Variants in RAB40C observed in about 807,000 individuals in gnomAD.
RAB40C encodes the protein ras-related protein Rab-40C.
Under a neutral mutation model 28.1 loss-of-function variants are expected in RAB40C, and 8 were observed. That is an observed-to-expected ratio of 0.28 (90% confidence interval 0.17 to 0.51). The LOEUF (loss-of-function observed/expected upper bound fraction) is 0.51, where lower values mean the gene tolerates loss of function less well. Among genes scored for constraint, RAB40C ranks in the 20% least tolerant of loss-of-function variants. The probability of loss-of-function intolerance (pLI) is 0.97; values close to 1 mark genes in which losing one functional copy is unlikely to be tolerated. For synonymous variants in RAB40C, 201 were observed against 171.7 expected, an observed-to-expected ratio of 1.17 and a Z score of -1.34; for missense variants, 288 against 405.9, an observed-to-expected ratio of 0.71 and a Z score of 2.50.
chr16:626,202 G>A, intron 5 of RAB40C, 81 bp downstream of exon 5: 2 of 1,396,790 alleles, frequency 1.4e-6, no homozygotes, highest in Middle Eastern at 1.8e-4. Context: ...GGGGGCCAGG[G>A]GCCAGTGAGG....
At position 590,244 on chromosome 16, in the gene RAB40C, C is replaced by A; in HGVS notation, c.-48C>A. ...GGCTCTCTCACGCCGCGGCCTCACCCGGCGGTGCTTCGGCAGGCGGCCGGC... is the reference window on the plus strand; with the variant it reads ...GGCTCTCTCACGCCGCGGCCTCACCAGGCGGTGCTTCGGCAGGCGGCCGGC... On this transcript the variant is annotated 5_prime_UTR_variant, in exon 1 of 6. Coordinates refer to ENST00000248139, the MANE Select transcript of RAB40C (RefSeq NM_021168.5). 7.4e-7 allele frequency: 1 copy of A among 1,355,528 alleles called. No homozygotes were observed. The highest frequency in any genetic ancestry group is 3.3e-5 in the East Asian group (1 of 30,650). The allele number at this position is 1,355,528 out of a possible 1,614,324, so 84.0% of individuals were successfully genotyped here. A position where few individuals can be genotyped will look rare whatever the true frequency, so the allele number is the denominator to read the frequency against.
intron 1 of RAB40C, among the ~76,000 whole-genome samples, chr16:601,939 A>T (rs901858845): frequency 2.0e-5 from 3 of 149,996 alleles, no homozygotes; most frequent in African/African-American, 7.3e-5. Context: ...CATCCTGGCC[A>T]GCATGGTGAA....
chr16:626,125 G>A lies in RAB40C; in HGVS notation c.565+4G>A, dbSNP rs181055164. On this transcript the variant is annotated splice_donor_region_variant and intron_variant, in intron 5 of 5. Transcript: ENST00000248139. ...AAGATCTGGAGGCCCAACCGAGGTG[G>A]GTGGGCGGGCGCCGGCCAGCCCTGA... The A allele has an allele frequency of 1.2e-6, 2 of 1,611,452 alleles. No individual in the cohort carries two copies. The highest frequency in any genetic ancestry group is 3.3e-5 in the Admixed American group (2 of 60,020).
At chr16:623,763 A>G (rs2036770902) in intron 3 of RAB40C, 1 of 170,386 alleles carries the variant, frequency 5.9e-6, no homozygotes, top group Non-Finnish European at 1.2e-5. Context: ...CCTGGGCAAC[A>G]TAGCAAGATC....
chr16:595,651 G>A (rs1275076711), intron 1 of RAB40C, among the ~76,000 whole-genome samples: 2 of 147,872 alleles, frequency 1.4e-5, no homozygotes, highest in Admixed American at 1.4e-4. Context: ...TGCCCAGGCC[G>A]GAGTGCAGTG....
rs548268216 is a variant in RAB40C, at chr16:617,466, C to T, written c.203+198C>T. Among the ~76,000 whole-genome samples the T allele has an allele frequency of 3.9e-5, 6 of 152,348 alleles. No individual in the cohort carries two copies. The South Asian group carries it at 8.3e-4, about 21-fold the overall frequency. On this transcript the variant is annotated intron_variant, in intron 2 of 5. Transcript: ENST00000248139. ...TCTGGGACACTGTGTCCCTAGAGAT[C>T]GCGGCTCCCCTCCTGCCCCGGAAAA...
chr16:624,671 T>C, intron 3 of RAB40C: 1 of 985,412 alleles, frequency 1.0e-6, no homozygotes, highest in Non-Finnish European at 1.2e-6. Context: ...AGGAGTAGGG[T>C]GGATCACAGC....
chr16:590,796 G>A (rs906378012), intron 1 of RAB40C, among the ~76,000 whole-genome samples: 3 of 151,252 alleles, frequency 2.0e-5, no homozygotes, highest in African/African-American at 7.3e-5. Context: ...GCCTGGGGAA[G>A]GTGTCATGGG....
intron 1 of RAB40C, among the ~76,000 whole-genome samples, chr16:594,649 C>T (rs1567183160): frequency 6.6e-6 from 1 of 152,078 alleles, no homozygotes; most frequent in Non-Finnish European, 1.5e-5. Flanking sequence ...GGCTGCTTAT[C>T]CCCAGGGCTA....
intron 1 of RAB40C, among the ~76,000 whole-genome samples, chr16:603,779 C>T (rs1016839531): frequency 4.7e-5 from 7 of 149,434 alleles, no homozygotes; most frequent in Non-Finnish European, 9.1e-5. Context: ...CGAGTCAGCC[C>T]CCAGCCCCCA....
At chr16:619,928 C>T (rs1049127136) in intron 3 of RAB40C, among the ~76,000 whole-genome samples, 1 of 152,250 alleles carries the variant, frequency 6.6e-6, no homozygotes, top group African/African-American at 2.4e-5. Context: ...GGGTCGCACC[C>T]TGTCCTGGGA....
intron 1 of RAB40C, among the ~76,000 whole-genome samples, chr16:597,461 G>A (rs1314384620): frequency 6.6e-6 from 1 of 151,918 alleles, no homozygotes; most frequent in East Asian, 1.9e-4. Flanking sequence ...GAGAGGGACA[G>A]CCATCTAGCA....
At chr16:608,583 A>C (rs2036415031) in intron 1 of RAB40C, among the ~76,000 whole-genome samples, 1 of 152,182 alleles carries the variant, frequency 6.6e-6, no homozygotes, top group African/African-American at 2.4e-5. Context: ...AAAAGAATGA[A>C]ACTCGGCTGG....
rs184264485 is a variant in RAB40C at position 628,044 on chromosome 16, A to G, written c.*422A>G. On this transcript the variant is annotated 3_prime_UTR_variant, in exon 6 of 6. Transcript: ENST00000248139. ...CGCCAGCTGCGGGGACGCACTTGGGACTCCTCGAGAGGGGACTCGCGGCCG... is the reference window on the plus strand; with the variant it reads ...CGCCAGCTGCGGGGACGCACTTGGGGCTCCTCGAGAGGGGACTCGCGGCCG... 1.3e-4 allele frequency: 22 copies of G among 168,578 alleles called. No homozygotes were observed. The East Asian group carries it at 3.3e-3, about 25-fold the overall frequency. The allele number at this position is 168,578 out of a possible 1,614,324, so 10.4% of individuals were successfully genotyped here.
At chr16:608,394 C>T (rs2036411709) in intron 1 of RAB40C, among the ~76,000 whole-genome samples, 1 of 152,208 alleles carries the variant, frequency 6.6e-6, no homozygotes, top group Non-Finnish European at 1.5e-5. Context: ...CTTATCACTC[C>T]TGAGCCTGCT....
At chr16:593,097 G>T (rs377033079) in intron 1 of RAB40C, among the ~76,000 whole-genome samples, 3 of 152,350 alleles carry the variant, frequency 2.0e-5, no homozygotes, top group East Asian at 3.9e-4. Context: ...AGAGAAGGAA[G>T]CGCCTCTGGG....
intron 1 of RAB40C, among the ~76,000 whole-genome samples, chr16:603,042 G>T (rs951056068): frequency 6.6e-6 from 1 of 152,164 alleles, no homozygotes; most frequent in Non-Finnish European, 1.5e-5. Context: ...GAACCGTGGC[G>T]CTGAAGCAAT....
In RAB40C at chr16:628,956, G is replaced by GCC. The variant is rs2036900431; in HGVS notation, c.*1336_*1337dup. 2 of 153,698 alleles carry GCC rather than the reference G, an allele frequency of 1.3e-5. No individual in the cohort carries two copies. Among genetic ancestry groups the GCC allele is most frequent in the Non-Finnish European group, 1.5e-5 (1 of 68,880 alleles). 9.5% of individuals were successfully genotyped at this position (153,698 alleles called of 1,614,324 possible). A position where few individuals can be genotyped will look rare whatever the true frequency, so the allele number is the denominator to read the frequency against. On this transcript the variant is annotated 3_prime_UTR_variant, in exon 6 of 6. Transcript: ENST00000248139. ...TGGGCACCAGTGGACTCGCCCCATG[G>GCC]CCCGTTCCTGGGAGATGAGGGCCGT... is the stretch of plus-strand genomic sequence containing the variant.
chr16:624,844 G>A (rs371615491), intron 3 of RAB40C: 7 of 985,330 alleles, frequency 7.1e-6, no homozygotes, highest in Admixed American at 6.1e-5. Context: ...TGTCACTGCC[G>A]AGATATTTAG....
Sources: gnomAD v4.1 joint callset for allele counts (sites outside exome capture counted in the v4.1 genomes callset) on GRCh38, gnomAD v4.1.1 for gene constraint, MANE v1.5 for transcripts, NCBI Gene and HGNC (gene_info 2026-07-23, HGNC 2026-07-21) for gene names.